TRPC1: variants seen among roughly 807,000 people sequenced by gnomAD.
TRPC1 encodes transient receptor potential cation channel subfamily C member 1, also known as short transient receptor potential channel 1.
Under a neutral mutation model 88.2 loss-of-function variants are expected in TRPC1, and 42 were observed. That is an observed-to-expected ratio of 0.48 (90% CI 0.37 to 0.62). The LOEUF is 0.62. Among genes scored for constraint, TRPC1 ranks in the 20% least tolerant of loss-of-function variants. The probability of loss-of-function intolerance (pLI) is 0.00; values close to 1 mark genes in which losing one functional copy is unlikely to be tolerated. For synonymous variants in TRPC1, 288 were observed against 331.8 expected (o/e 0.87, Z 1.43); for missense variants, 699 against 957.3 (o/e 0.73, Z 3.56).
At chr3:142,735,291 TACTC>T (rs1265147356) in intron 1 of TRPC1, among the ~76,000 whole-genome samples, 6 of 152,346 alleles carry the variant, frequency 3.9e-5, no homozygotes, top group South Asian at 2.1e-4. Context: ...CTGTCTTTCT[TACTC>T]ACTTATTTAG....
At chr3:142,731,951 T>G (rs1933938842) in intron 1 of TRPC1, among the ~76,000 whole-genome samples, 1 of 152,224 alleles carries the variant, frequency 6.6e-6, no homozygotes, top group South Asian at 2.1e-4. Flanking sequence ...TGTTTACATA[T>G]GGTCTGTGGC....
intron 2 of TRPC1, 93 bp downstream of exon 2, chr3:142,736,626 TC>T (rs1934148838): frequency 9.0e-7 from 1 of 1,109,240 alleles, no homozygotes; most frequent in Non-Finnish European, 1.2e-6. Flanking sequence ...TTCTTTTTCC[TC>T]CTCTTCTTCC....
chr3:142,730,095 T>A (rs902490533), intron 1 of TRPC1, among the ~76,000 whole-genome samples: 1 of 152,162 alleles, frequency 6.6e-6, no homozygotes, highest in African/African-American at 2.4e-5. Flanking sequence ...CAATAAATCC[T>A]TTCTGAGACT....
rs762354773 is a variant in TRPC1, at chr3:142,804,483, T to C, written c.2007T>C (p.Leu669=). 8 of 1,612,958 alleles carry C rather than the reference T, an allele frequency of 5.0e-6. No individual in the cohort carries two copies. The highest frequency in any genetic ancestry group is 6.8e-6 in the Non-Finnish European group (8 of 1,179,608). The part of the protein sequence containing the change: ...EWKFARAKLW[L]SYFDDKCTLP... ...AGTTTGCTCGAGCAAAATTATGGCT[T>C]AGCTACTTTGATGACAAATGTACGT... The change falls in exon 12 of 13, where the codon CTT becomes CTC. Residue 669 remains leucine, a synonymous_variant. Coordinates refer to ENST00000476941, the MANE Select transcript of TRPC1 (RefSeq NM_001251845.2).
chr3:142,740,906 C>G (rs1934320359), intron 2 of TRPC1, among the ~76,000 whole-genome samples: 2 of 152,088 alleles, frequency 1.3e-5, no homozygotes, highest in Admixed American at 6.6e-5. Flanking sequence ...GGAGATTAGA[C>G]TGGTATTTCT....
chr3:142,725,861 T>A (rs568554194), intron 1 of TRPC1, among the ~76,000 whole-genome samples: 42 of 152,346 alleles, frequency 2.8e-4, no homozygotes, highest in South Asian at 8.3e-4. Context: ...TTTATTTACA[T>A]GATTTTTTGA....
rs925647062 is a variant in TRPC1, at chr3:142,806,772, AAAC to A, written c.*538_*540del. The A allele has an allele frequency of 6.6e-6, 1 of 151,980 alleles. No individual in the cohort carries two copies. Among genetic ancestry groups the A allele is most frequent in the Non-Finnish European group, 1.5e-5 (1 of 67,952 alleles). The allele number at this position is 151,980 out of a possible 1,614,324, so 9.4% of individuals were successfully genotyped here. On this transcript the variant is annotated 3_prime_UTR_variant, in exon 13 of 13. Coordinates refer to ENST00000476941, the MANE Select transcript of TRPC1 (RefSeq NM_001251845.2). ...GTTATAATCTTAAGCAACAAAGAAA[AAAC>A]CCTAATATTTGAATCTATTTATGTC...
chr3:142,750,116 AT>A (rs1934701653), intron 4 of TRPC1, among the ~76,000 whole-genome samples: 1 of 152,172 alleles, frequency 6.6e-6, no homozygotes, highest in Non-Finnish European at 1.5e-5. Context: ...AAAAGAAACT[AT>A]CATCAGAGTG....
intron 7 of TRPC1, among the ~76,000 whole-genome samples, chr3:142,790,808 C>T (rs1936272288): frequency 6.6e-6 from 1 of 151,776 alleles, no homozygotes; most frequent in Non-Finnish European, 1.5e-5. Flanking sequence ...AAAGATGAAA[C>T]TTAAGGTTAT....
chr3:142,743,637 C>T, intron 3 of TRPC1, 51 bp downstream of exon 3: 1 of 1,187,648 alleles, frequency 8.4e-7, no homozygotes, highest in Non-Finnish European at 1.1e-6. Flanking sequence ...CAAAATAGAT[C>T]TCTTGCCCCA....
chr3:142,796,859 G>A (rs780389955), intron 9 of TRPC1, among the ~76,000 whole-genome samples: 6 of 152,050 alleles, frequency 3.9e-5, no homozygotes, highest in African/African-American at 7.2e-5. Context: ...AAAGAGGCAA[G>A]GCCTTCAGAG....
intron 9 of TRPC1, among the ~76,000 whole-genome samples, chr3:142,796,406 G>A (rs1057018873): frequency 2.6e-5 from 4 of 152,060 alleles, no homozygotes; most frequent in African/African-American, 4.8e-5. Flanking sequence ...TACACTGACA[G>A]TTGGATAATT....
intron 9 of TRPC1, among the ~76,000 whole-genome samples, chr3:142,798,405 C>A (rs142696467): frequency 1.1e-4 from 17 of 152,200 alleles, no homozygotes; most frequent in Admixed American, 6.5e-4. Context: ...AGTATGAAGT[C>A]AAAAATACTG....
rs1466656709 is a variant in TRPC1 at position 142,776,766 on chromosome 3, G to C, written c.633-866G>C. Among the ~76,000 whole-genome samples, 4 of 151,980 alleles carry C rather than the reference G, an allele frequency of 2.6e-5. No homozygotes were observed. The highest frequency in any genetic ancestry group is 1.3e-4 in the Admixed American group (2 of 15,264). ...AAAAATACAAAAATTAGCCAGGCGT[G>C]GTGGCACATGCCTGTAATCCCAGCT... On this transcript the variant is annotated intron_variant, in intron 4 of 12. Transcript: ENST00000476941. The surrounding 1 kb of genome is among the most constrained non-coding windows in gnomAD (Gnocchi z 4.1).
intron 4 of TRPC1, among the ~76,000 whole-genome samples, chr3:142,771,671 T>C (rs1259684861): frequency 6.6e-6 from 1 of 152,196 alleles, no homozygotes; most frequent in East Asian, 1.9e-4. Context: ...TGGCCCCACC[T>C]ACCTACTATA....
chr3:142,805,125 TATATACAC>T (rs749061059), intron 12 of TRPC1, among the ~76,000 whole-genome samples: 1,929 of 123,770 alleles, frequency 0.016, 26 homozygotes, highest in Middle Eastern at 0.028. Context: ...AACAAATATA[TATATACAC>T]ACACACACAC....
rs532103201 is a variant in TRPC1 at position 142,724,496 on chromosome 3, G to A, written c.-64G>A. 1.4e-6 allele frequency: 2 copies of A among 1,437,568 alleles called. No individual in the cohort carries two copies. The highest frequency in any genetic ancestry group is 5.8e-5 in the Admixed American group (2 of 34,730). 89.1% of individuals were successfully genotyped at this position (1,437,568 alleles called of 1,614,324 possible). ...GCCCTGGGGCGTGGCTGGGGTCGGG[G>A]TCGGGGTCGGGGCCGGTGGGGGCCC... is the stretch of plus-strand genomic sequence containing the variant. On this transcript the variant is annotated 5_prime_UTR_variant, in exon 1 of 13. Coordinates refer to ENST00000476941, the MANE Select transcript of TRPC1 (RefSeq NM_001251845.2). This position sits in a 1 kb window ranked among gnomAD's most constrained non-coding sequence, Gnocchi z 5.6.
intron 7 of TRPC1, among the ~76,000 whole-genome samples, chr3:142,790,329 G>A (rs1936257342): frequency 6.6e-6 from 1 of 152,152 alleles, no homozygotes; most frequent in African/African-American, 2.4e-5. Flanking sequence ...GCAGGCCATT[G>A]TAAAGACTGG....
intron 6 of TRPC1, 67 bp downstream of exon 6, chr3:142,781,096 G>T (rs1013247443): frequency 7.5e-7 from 1 of 1,330,372 alleles, no homozygotes; most frequent in Admixed American, 2.8e-5. Context: ...CAGGGCAAAG[G>T]CTTTGGAGTA....
Sources: allele counts gnomAD v4.1 joint callset (sites outside exome capture counted in the v4.1 genomes callset), GRCh38; gene constraint gnomAD v4.1.1; non-coding constraint Gnocchi (gnomAD v3.1); transcripts MANE v1.5; gene names NCBI Gene and HGNC (gene_info 2026-07-23, HGNC 2026-07-21).